SLC2A9: variants seen among roughly 807,000 people sequenced by gnomAD.
SLC2A9 encodes solute carrier family 2 member 9.
A neutral mutation model predicts 50.6 loss-of-function variants in SLC2A9; 39 were observed. That is an observed-to-expected ratio of 0.77 (90% CI 0.60 to 1.01). The LOEUF (loss-of-function observed/expected upper bound fraction) is 1.01. Ranked by LOEUF, SLC2A9 falls within the 50% of genes least tolerant of loss-of-function variation. SLC2A9 has a pLI of 0.00. For synonymous variants in SLC2A9, 324 were observed against 276.9 expected (o/e 1.17, Z -1.69); for missense variants, 686 against 677.6 (o/e 1.01, Z -0.14).
chr4:9,851,224 G>T (rs550848507), intron 10 of SLC2A9, among the ~76,000 whole-genome samples: 2 of 152,300 alleles, frequency 1.3e-5, no homozygotes, highest in Admixed American at 6.5e-5. Context: ...AGCGTAGCAG[G>T]TTCCTAACCT....
chr4:9,985,729 G>T lies in SLC2A9; in HGVS notation c.475C>A (p.Leu159Ile). The part of the protein sequence containing the change: ...ISAALLMACS[L>I]QAGAFEMLIV... ...AGCATTTCAAAGGCTCCTGCCTGGAGCGAGCAGGCCATCAGCAATGCAGCA... is the reference window on the plus strand; with the variant it reads ...AGCATTTCAAAGGCTCCTGCCTGGATCGAGCAGGCCATCAGCAATGCAGCA... The change falls in exon 4 of 12, where the codon CTC becomes ATC. Residue 159 changes from leucine to isoleucine, a missense_variant. Leu to Ile is a conservative substitution (Grantham distance 5). Transcript: ENST00000264784. The T allele has an allele frequency of 6.2e-7, 1 of 1,614,054 alleles. No homozygotes were observed. Among genetic ancestry groups the T allele is most frequent in the Non-Finnish European group, 8.5e-7 (1 of 1,179,878 alleles).
downstream of SLC2A9, among the ~76,000 whole-genome samples, chr4:9,794,729 A>T (rs1257368042): frequency 6.6e-6 from 1 of 152,220 alleles, no homozygotes; most frequent in African/African-American, 2.4e-5. Flanking sequence ...CCCAGAGTTA[A>T]AGATGGGTTC....
In SLC2A9 at chr4:10,018,546, TGATAGATA is replaced by T. The variant is rs749714539; in HGVS notation, c.249+421_249+428del. 6.3e-3 allele frequency among the ~76,000 whole-genome samples: 909 copies of T among 145,412 alleles called. 3 individuals are homozygous for T. The highest frequency in any genetic ancestry group is 0.011 in the South Asian group (46 of 4,336). The stretch of plus-strand genomic sequence containing the variant: ...ACAGAGTGAGACTCCATCTCAAAGA[TGATAGATA>T]GATAGATAGATAGATAGATAGATAG... On this transcript the variant is annotated intron_variant, in intron 2 of 11. Coordinates refer to ENST00000264784, the MANE Select transcript of SLC2A9 (RefSeq NM_020041.3).
chr4:9,894,951 T>C (rs912800998), intron 8 of SLC2A9, among the ~76,000 whole-genome samples: 2 of 152,240 alleles, frequency 1.3e-5, no homozygotes, highest in Non-Finnish European at 2.9e-5. Flanking sequence ...GTTATATTGT[T>C]ACACTAAGCT....
Position 9,931,985 on chromosome 4 carries a change from T to TATATATATAC in SLC2A9, c.814+9927_814+9928insGTATATATAT, listed in dbSNP as rs1553879031. On this transcript the variant is annotated intron_variant, in intron 6 of 11. Coordinates refer to ENST00000264784, the MANE Select transcript of SLC2A9 (RefSeq NM_020041.3). Reference sequence around the variant, plus strand: ...CTCTATATATATATATATATATATATATATATATATATATGCCTTGCCTGA... The same window carrying TATATATATAC: ...CTCTATATATATATATATATATATATATATATATACATATATATATATATGCCTTGCCTGA... Among the ~76,000 whole-genome samples, 478 of 95,572 alleles carry TATATATATAC rather than the reference T, an allele frequency of 5.0e-3. 16 individuals are homozygous for TATATATATAC. The highest frequency in any genetic ancestry group is 7.3e-3 in the Non-Finnish European group (337 of 46,146). 62.7% of individuals were successfully genotyped at this position (95,572 alleles called of 152,430 possible). A position where few individuals can be genotyped will look rare whatever the true frequency, so the allele number is the denominator to read the frequency against.
chr4:9,827,322 C>A (rs2109083665), intron 11 of SLC2A9, among the ~76,000 whole-genome samples: 1 of 152,332 alleles, frequency 6.6e-6, no homozygotes, highest in Non-Finnish European at 1.5e-5. Context: ...CTCAATCAAT[C>A]TGCTTGCTTT....
intron 5 of SLC2A9, among the ~76,000 whole-genome samples, chr4:9,971,801 T>G (rs1753945664): frequency 6.6e-6 from 1 of 152,190 alleles, no homozygotes; most frequent in South Asian, 2.1e-4. Flanking sequence ...AGGAAGATTC[T>G]CATATACAGA....
At chr4:10,018,907 G>A in intron 2 of SLC2A9, 68 bp downstream of exon 2, 3 of 1,459,384 alleles carry the variant, frequency 2.1e-6, no homozygotes, top group Non-Finnish European at 2.8e-6. Flanking sequence ...TGGAGCCCAG[G>A]GCCCTTGCGC....
At chr4:9,987,041 C>T (rs942564347) in intron 3 of SLC2A9, among the ~76,000 whole-genome samples, 1 of 152,140 alleles carries the variant, frequency 6.6e-6, no homozygotes, top group Non-Finnish European at 1.5e-5. Context: ...TCAGAATGAC[C>T]CAAAGAGATA....
At chr4:9,929,713 A>G (rs889035232) in intron 6 of SLC2A9, among the ~76,000 whole-genome samples, 9 of 151,680 alleles carry the variant, frequency 5.9e-5, no homozygotes, top group Non-Finnish European at 8.8e-5. Flanking sequence ...GAGAATTACA[A>G]CCCACACCGG....
chr4:9,962,791 G>C (rs1175821529), intron 5 of SLC2A9, among the ~76,000 whole-genome samples: 1 of 152,196 alleles, frequency 6.6e-6, no homozygotes, highest in Admixed American at 6.5e-5. Context: ...GGCAGGGAGT[G>C]GATGAGTGTG....
chr4:9,782,384 T>G, intron 3 of SLC2A9: 2 of 1,614,044 alleles, frequency 1.2e-6, no homozygotes, highest in Non-Finnish European at 1.7e-6. Context: ...CTGGGTGGCC[T>G]TCGACATCAT....
chr4:9,847,666 G>C (rs939422916), intron 10 of SLC2A9, among the ~76,000 whole-genome samples: 2 of 152,228 alleles, frequency 1.3e-5, no homozygotes, highest in African/African-American at 4.8e-5. Flanking sequence ...AGCATCTGAG[G>C]TCCACTGAGT....
intron 1 of SLC2A9, among the ~76,000 whole-genome samples, chr4:10,031,977 G>A (rs546774389): frequency 3.3e-5 from 5 of 152,302 alleles, no homozygotes; most frequent in East Asian, 3.9e-4. Flanking sequence ...AGGAGGCAGC[G>A]TGTTTGTTTT....
chr4:9,958,981 C>T (rs375993880), intron 5 of SLC2A9, among the ~76,000 whole-genome samples: 123 of 112,738 alleles, frequency 1.1e-3, no homozygotes, highest in African/African-American at 3.8e-3. Context: ...AAAGGTTGTA[C>T]GAGAAAGGAA....
At chr4:9,926,198 T>C (rs1161604364) in intron 6 of SLC2A9, among the ~76,000 whole-genome samples, 1 of 151,830 alleles carries the variant, frequency 6.6e-6, no homozygotes, top group African/African-American at 2.4e-5. Context: ...GTCTTGGAGC[T>C]GGAGAAACCT....
At chr4:9,867,463 CATA>C (rs920770344) in intron 10 of SLC2A9, among the ~76,000 whole-genome samples, 1 of 152,038 alleles carries the variant, frequency 6.6e-6, no homozygotes, top group African/African-American at 2.4e-5. Context: ...ATGCTTGGCC[CATA>C]ATAAGTACTC....
chr4:9,819,900 C>T (rs1438308505), intron 3 of SLC2A9, among the ~76,000 whole-genome samples: 1 of 152,264 alleles, frequency 6.6e-6, no homozygotes, highest in Non-Finnish European at 1.5e-5. Context: ...CACCACTGCA[C>T]TCCAGCCTGG....
chr4:9,898,624 T>C (rs1739020925), intron 8 of SLC2A9, among the ~76,000 whole-genome samples: 1 of 152,230 alleles, frequency 6.6e-6, no homozygotes, highest in African/African-American at 2.4e-5. Context: ...TGCCCCATTC[T>C]CTGTGTCCAA....
Sources: allele counts gnomAD v4.1 joint callset (sites outside exome capture counted in the v4.1 genomes callset), GRCh38; gene constraint gnomAD v4.1.1; transcripts MANE v1.5; gene names NCBI Gene and HGNC (gene_info 2026-07-23, HGNC 2026-07-21).